MTHFS: variants seen among roughly 807,000 people sequenced by gnomAD.
MTHFS encodes the protein methenyltetrahydrofolate synthetase.
Under a neutral mutation model 12.7 loss-of-function variants are expected in MTHFS, and 7 were observed. The observed-to-expected ratio is 0.55, with a 90% CI of 0.31 to 1.03. The LOEUF (loss-of-function observed/expected upper bound fraction) is 1.03. Ranked by LOEUF, MTHFS falls within the 50% of genes least tolerant of loss-of-function variation. The pLI is 0.05. For synonymous variants in MTHFS, 100 were observed against 97.1 expected (o/e 1.03, Z -0.18); for missense variants, 252 against 258.1 (o/e 0.98, Z 0.16).
At chr15:79,892,987 A>C (rs1020738649) in intron 1 of MTHFS, among the ~76,000 whole-genome samples, 4 of 152,154 alleles carry the variant, frequency 2.6e-5, no homozygotes, top group Non-Finnish European at 4.4e-5. Context: ...GTATGTATTC[A>C]GTGCTTTACA....
chr15:79,896,818 C>G, intron 1 of MTHFS, 54 bp downstream of exon 1: 2 of 1,536,306 alleles, frequency 1.3e-6, no homozygotes, highest in South Asian at 1.2e-5. Flanking sequence ...TCGCTGGCCG[C>G]CAGGCCTTCG....
At chr15:79,893,906 T>C (rs1374242281) in intron 1 of MTHFS, among the ~76,000 whole-genome samples, 1 of 152,152 alleles carries the variant, frequency 6.6e-6, no homozygotes, top group Admixed American at 6.5e-5. Context: ...TTCTAAGTTA[T>C]AAAAAGGTAC....
At chr15:79,854,891 G>T (rs1355706209) in intron 2 of MTHFS, among the ~76,000 whole-genome samples, 1 of 152,106 alleles carries the variant, frequency 6.6e-6, no homozygotes, top group Admixed American at 6.5e-5. Flanking sequence ...GTATATGAAA[G>T]AAGCAAGCTA....
At chr15:79,864,155 T>C (rs2033964096) in intron 2 of MTHFS, among the ~76,000 whole-genome samples, 1 of 152,182 alleles carries the variant, frequency 6.6e-6, no homozygotes, top group African/African-American at 2.4e-5. Context: ...TGATGAGTAA[T>C]AAGCTTACAT....
chr15:79,862,511 T>C (rs2033934316), intron 2 of MTHFS, among the ~76,000 whole-genome samples: 1 of 152,202 alleles, frequency 6.6e-6, no homozygotes, highest in Non-Finnish European at 1.5e-5. Context: ...CTTACTCTCA[T>C]TGATCATATC....
chr15:79,884,524 T>C (rs2034349759), intron 2 of MTHFS, among the ~76,000 whole-genome samples: 3 of 152,150 alleles, frequency 2.0e-5, no homozygotes, highest in African/African-American at 7.2e-5. Context: ...TAAAGTTTAT[T>C]CCAATGGAAC....
At chr15:79,874,392 A>G (rs1596074266) in intron 2 of MTHFS, among the ~76,000 whole-genome samples, 1 of 152,040 alleles carries the variant, frequency 6.6e-6, no homozygotes, top group South Asian at 2.1e-4. Flanking sequence ...TGTGACAACC[A>G]CCAACAGCCT....
intron 1 of MTHFS, among the ~76,000 whole-genome samples, chr15:79,893,849 A>G (rs1157666260): frequency 1.3e-5 from 2 of 152,232 alleles, no homozygotes; most frequent in African/African-American, 4.8e-5. Context: ...TCAAGATATG[A>G]CATAAACCTG....
At chr15:79,880,323 G>A (rs982027957) in intron 2 of MTHFS, among the ~76,000 whole-genome samples, 102 of 151,950 alleles carry the variant, frequency 6.7e-4, no homozygotes, top group African/African-American at 2.1e-3. Flanking sequence ...CTTGTGATCC[G>A]CCTTCCTCAG....
At chr15:79,869,054 C>CTA (rs2034060568) in intron 2 of MTHFS, among the ~76,000 whole-genome samples, 2 of 152,056 alleles carry the variant, frequency 1.3e-5, no homozygotes, top group South Asian at 4.2e-4. Context: ...GGTACTGTGA[C>CTA]TACATCAGGT....
upstream of MTHFS, chr15:79,897,142 C>T: frequency 1.6e-6 from 1 of 637,660 alleles, no homozygotes; most frequent in Non-Finnish European, 2.4e-6. Context: ...CGCGGGCCCG[C>T]GGCGCGCCGC....
intron 1 of MTHFS, 49 bp downstream of exon 1, chr15:79,896,823 C>G (rs758826459): frequency 6.5e-7 from 1 of 1,536,938 alleles, no homozygotes; most frequent in South Asian, 1.2e-5. Flanking sequence ...GGCCGCCAGG[C>G]CTTCGGAGGG....
At chr15:79,883,626 T>C (rs1174697192) in intron 2 of MTHFS, among the ~76,000 whole-genome samples, 2 of 152,252 alleles carry the variant, frequency 1.3e-5, no homozygotes, top group Admixed American at 6.5e-5. Context: ...TTCTGCTTAC[T>C]GTTAATAACT....
At chr15:79,893,571 G>A (rs2034513287) in intron 1 of MTHFS, among the ~76,000 whole-genome samples, 2 of 151,466 alleles carry the variant, frequency 1.3e-5, no homozygotes, top group African/African-American at 4.9e-5. Context: ...GGTGGCGGGC[G>A]CCTGTAGTCC....
chr15:79,853,437 T>G (rs1413918238), intron 2 of MTHFS, among the ~76,000 whole-genome samples: 1 of 146,882 alleles, frequency 6.8e-6, no homozygotes, highest in African/African-American at 2.6e-5. Flanking sequence ...ACTGAAATTC[T>G]CTTTGAAACC....
rs2034588128 is a variant in MTHFS, at chr15:79,896,921, G to A, written c.68C>T (p.Ala23Val). ...GCGTAGCCGCTCCTCGGCACTCATC[G>A]CCCGCAGACGCTGCTTCAGCTCTCC... ...LRGELKQRLR[A>V]MSAEERLRQS... is the part of the protein sequence containing the mutation. Residue 23 changes from alanine (A) to valine (V), a missense_variant, in exon 1 of 3, where the codon GCG (alanine) becomes GTG (valine). Physicochemically the swap from Ala to Val is moderately conservative, Grantham distance 64. Coordinates refer to ENST00000258874, the MANE Select transcript of MTHFS (RefSeq NM_006441.4). 1.9e-6 allele frequency: 3 copies of A among 1,541,764 alleles called. No homozygotes were observed. Among genetic ancestry groups the A allele is most frequent in the Middle Eastern group, 1.8e-4 (1 of 5,712 alleles).
chr15:79,897,090 C>T (rs968264309), upstream of MTHFS: 19 of 1,189,364 alleles, frequency 1.6e-5, no homozygotes, highest in Non-Finnish European at 2.1e-5. Context: ...GGCCTAGGGG[C>T]GGGTCGGGGC....
At chr15:79,865,604 C>A (rs1185555375) in intron 2 of MTHFS, among the ~76,000 whole-genome samples, 1 of 152,162 alleles carries the variant, frequency 6.6e-6, no homozygotes, top group Non-Finnish European at 1.5e-5. Flanking sequence ...GCCTCAGACA[C>A]CTAGTGCAAA....
At chr15:79,890,675 A>G (rs549725164) in intron 1 of MTHFS, among the ~76,000 whole-genome samples, 1 of 152,326 alleles carries the variant, frequency 6.6e-6, no homozygotes, top group East Asian at 1.9e-4. Context: ...TATAAATATG[A>G]CTGGCAGAAA....
Sources: allele counts gnomAD v4.1 joint callset (sites outside exome capture counted in the v4.1 genomes callset), GRCh38; gene constraint gnomAD v4.1.1; transcripts MANE v1.5; gene names NCBI Gene and HGNC (gene_info 2026-07-23, HGNC 2026-07-21).